Variants in KIF13B observed in about 807,000 individuals in gnomAD.
KIF13B encodes kinesin family member 13B, also known as kinesin-like protein KIF13B.
KIF13B carries 127 observed loss-of-function variants against 222.0 expected under a neutral mutation model. The observed-to-expected ratio is 0.57, with a 90% CI of 0.50 to 0.66. KIF13B has a LOEUF of 0.66. Among genes scored for constraint, KIF13B ranks in the 30% least tolerant of loss-of-function variants. The pLI is 0.00. For synonymous variants in KIF13B, 976 were observed against 919.0 expected, an observed-to-expected ratio of 1.06 and a Z score of -1.12; for missense variants, 2,173 against 2,379.0, an observed-to-expected ratio of 0.91 and a Z score of 1.80.
At chr8:29,236,779 T>A (rs949360342) in intron 2 of KIF13B, among the ~76,000 whole-genome samples, 2 of 152,198 alleles carry the variant, frequency 1.3e-5, no homozygotes, top group African/African-American at 2.4e-5. Context: ...TTCTAAACGC[T>A]TTTCTTTGTA....
chr8:29,128,127 A>G (rs1810197294), intron 24 of KIF13B, among the ~76,000 whole-genome samples: 1 of 149,266 alleles, frequency 6.7e-6, no homozygotes, highest in Non-Finnish European at 1.5e-5. Flanking sequence ...ATAGCAGTAT[A>G]TATCATTAAT....
intron 2 of KIF13B, among the ~76,000 whole-genome samples, chr8:29,227,413 C>A (rs1815072639): frequency 6.6e-6 from 1 of 152,084 alleles, no homozygotes; most frequent in Non-Finnish European, 1.5e-5. Flanking sequence ...CCTCAGCCAC[C>A]CAAGTACTTG....
intron 1 of KIF13B, among the ~76,000 whole-genome samples, chr8:29,252,658 C>T (rs1816327811): frequency 6.6e-6 from 1 of 152,182 alleles, no homozygotes; most frequent in African/African-American, 2.4e-5. Flanking sequence ...ATTAGTGTCA[C>T]ATACCCAATA....
At chr8:29,148,105 C>T (rs917736178) in intron 16 of KIF13B, among the ~76,000 whole-genome samples, 2 of 152,182 alleles carry the variant, frequency 1.3e-5, no homozygotes, top group Non-Finnish European at 2.9e-5. Context: ...GAGGCTGAGG[C>T]AGGAGAATCG....
chr8:29,203,655 G>A (rs565701262), intron 2 of KIF13B, among the ~76,000 whole-genome samples: 30 of 152,286 alleles, frequency 2.0e-4, no homozygotes, highest in Admixed American at 1.6e-3. Context: ...CACTTTGGGA[G>A]GCTGAGGCAG....
intron 2 of KIF13B, among the ~76,000 whole-genome samples, chr8:29,234,737 CCAGGGCCAAGGT>C (rs1563813271): frequency 6.7e-6 from 1 of 150,114 alleles, no homozygotes; most frequent in African/African-American, 2.5e-5. Context: ...GCTTCAAAAC[CCAGGGCCAAGGT>C]CAGGAAAGGA....
chr8:29,108,273 C>T, intron 34 of KIF13B, 81 bp from the exon 35 acceptor site: 1 of 1,358,514 alleles, frequency 7.4e-7, no homozygotes, highest in South Asian at 1.3e-5. Context: ...CTTTGCCAAC[C>T]CAGTCAACCG....
intron 2 of KIF13B, among the ~76,000 whole-genome samples, chr8:29,198,932 A>T (rs1813559692): frequency 6.6e-6 from 1 of 152,082 alleles, no homozygotes; most frequent in South Asian, 2.1e-4. Flanking sequence ...GGGGAGCAGG[A>T]GGGGTGAAGG....
At chr8:29,225,769 C>T (rs1022062854) in intron 2 of KIF13B, among the ~76,000 whole-genome samples, 1 of 152,200 alleles carries the variant, frequency 6.6e-6, no homozygotes, top group Non-Finnish European at 1.5e-5. Context: ...AATGTTTACA[C>T]TAAGCACCAC....
chr8:29,097,064 T>C (rs554849752), intron 36 of KIF13B, among the ~76,000 whole-genome samples: 1 of 152,264 alleles, frequency 6.6e-6, no homozygotes, highest in African/African-American at 2.4e-5. Flanking sequence ...CAACCAAATG[T>C]TGTCTACAAG....
intron 18 of KIF13B, among the ~76,000 whole-genome samples, chr8:29,143,783 C>A (rs1271577580): frequency 6.6e-6 from 1 of 151,928 alleles, no homozygotes; most frequent in Non-Finnish European, 1.5e-5. Context: ...GAGGAGGTTG[C>A]AGTGAGCCGA....
chr8:29,083,553 C>A (rs1807906848), intron 37 of KIF13B, among the ~76,000 whole-genome samples: 1 of 152,132 alleles, frequency 6.6e-6, no homozygotes, highest in Admixed American at 6.6e-5. Context: ...GCTACTAAAC[C>A]TGATTGTGAA....
chr8:29,115,998 T>C (rs903793931), intron 31 of KIF13B, among the ~76,000 whole-genome samples: 1 of 152,222 alleles, frequency 6.6e-6, no homozygotes, highest in African/African-American at 2.4e-5. Context: ...CACCACGTGC[T>C]CAGCTCAGGC....
chr8:29,219,823 G>A (rs1343468665), intron 2 of KIF13B, among the ~76,000 whole-genome samples: 1 of 152,074 alleles, frequency 6.6e-6, no homozygotes, highest in East Asian at 1.9e-4. Context: ...AACACTGTGG[G>A]AGGCCAAGGC....
intron 35 of KIF13B, among the ~76,000 whole-genome samples, chr8:29,103,400 G>T (rs1019483537): frequency 6.6e-6 from 1 of 152,066 alleles, no homozygotes; most frequent in Non-Finnish European, 1.5e-5. Flanking sequence ...AACTTCAGCC[G>T]GTCTTGGCAG....
At chr8:29,216,293 C>T (rs572631627) in intron 2 of KIF13B, among the ~76,000 whole-genome samples, 1 of 152,256 alleles carries the variant, frequency 6.6e-6, no homozygotes, top group Non-Finnish European at 1.5e-5. Flanking sequence ...ACCTAGGTCT[C>T]TCATTCTAAA....
chr8:29,090,243 A>G (rs1228415256), intron 37 of KIF13B, among the ~76,000 whole-genome samples: 2 of 152,234 alleles, frequency 1.3e-5, no homozygotes, highest in Non-Finnish European at 2.9e-5. Context: ...TTTCAGTGGG[A>G]GACACTGGAA....
chr8:29,213,584 C>T (rs1254477601), intron 2 of KIF13B, among the ~76,000 whole-genome samples: 1 of 152,134 alleles, frequency 6.6e-6, no homozygotes, highest in African/African-American at 2.4e-5. Flanking sequence ...GGCTATTGCT[C>T]CTAGACTACA....
At chr8:29,228,349 C>A (rs1815120900) in intron 2 of KIF13B, among the ~76,000 whole-genome samples, 1 of 151,392 alleles carries the variant, frequency 6.6e-6, no homozygotes, top group Non-Finnish European at 1.5e-5. Flanking sequence ...CGCCTGTAAT[C>A]CCAGCTACTC....
Sources: allele counts gnomAD v4.1 joint callset (sites outside exome capture counted in the v4.1 genomes callset), GRCh38; gene constraint gnomAD v4.1.1; transcripts MANE v1.5; gene names NCBI Gene and HGNC (gene_info 2026-07-23, HGNC 2026-07-21).